The following CSRNP3 variants were observed in gnomAD, a reference collection of about 807,000 sequenced individuals.
CSRNP3 encodes cysteine/serine-rich nuclear protein 3.
Under a neutral mutation model 48.0 loss-of-function variants are expected in CSRNP3, and 12 were observed. The observed-to-expected ratio is 0.25, with a 90% CI of 0.16 to 0.41. CSRNP3 has a LOEUF of 0.41. Among genes scored for constraint, CSRNP3 ranks in the 10% least tolerant of loss-of-function variants. The probability of loss-of-function intolerance (pLI) is 1.00; values close to 1 mark genes in which losing one functional copy is unlikely to be tolerated. For missense variants in CSRNP3, 580 were observed against 724.4 expected (o/e 0.80, Z 2.29); for synonymous variants, 263 against 269.7 (o/e 0.98, Z 0.24).
intron 4 of CSRNP3, among the ~76,000 whole-genome samples, chr2:165,600,374 A>C (rs1428474826): frequency 1.3e-5 from 2 of 151,840 alleles, no homozygotes; most frequent in Non-Finnish European, 2.9e-5. Context: ...TGCTATTGTG[A>C]ATAGTGCTGC....
At chr2:165,575,685 G>T (rs1403339202) in intron 3 of CSRNP3, among the ~76,000 whole-genome samples, 1 of 151,996 alleles carries the variant, frequency 6.6e-6, no homozygotes, top group African/African-American at 2.4e-5. Flanking sequence ...ATAGAGGGGG[G>T]ATTGAGGAGG....
chr2:165,583,796 A>C (rs563169449), intron 3 of CSRNP3, among the ~76,000 whole-genome samples: 60 of 152,312 alleles, frequency 3.9e-4, no homozygotes, highest in South Asian at 2.9e-3. Flanking sequence ...GGGAACAAAT[A>C]ATAGAACAAA....
At chr2:165,523,035 G>A (rs1417364565) in intron 3 of CSRNP3, among the ~76,000 whole-genome samples, 1 of 152,066 alleles carries the variant, frequency 6.6e-6, no homozygotes, top group Non-Finnish European at 1.5e-5. Context: ...TCCCTTTCAC[G>A]ATTAGTGCAC....
At position 165,666,941 on chromosome 2, in the gene CSRNP3, A is replaced by AGAGAGAGAGGAAGGAAGGAAG. The variant is rs1486843331; in HGVS notation, c.408+8923_408+8924insGAGAGAGGAAGGAAGGAAGGA. ...GAAGGGAGGAAAGAGAGAAGAAGAA[A>AGAGAGAGAGGAAGGAAGGAAG]GAAAGAGAGAGAGGAAGGAAGGAAG... On this transcript the variant is annotated intron_variant, in intron 5 of 6. Coordinates refer to ENST00000651982, the MANE Select transcript of CSRNP3 (RefSeq NM_001172173.2). Among the ~76,000 whole-genome samples, 75 of 140,478 alleles carry AGAGAGAGAGGAAGGAAGGAAG rather than the reference A, an allele frequency of 5.3e-4. 27 individuals are homozygous for AGAGAGAGAGGAAGGAAGGAAG. Among genetic ancestry groups the AGAGAGAGAGGAAGGAAGGAAG allele is most frequent in the South Asian group, 1.2e-3 (5 of 4,166 alleles). The allele number at this position is 140,478 out of a possible 152,430, so 92.2% of individuals were successfully genotyped here. A position where few individuals can be genotyped will look rare whatever the true frequency, so the allele number is the denominator to read the frequency against.
chr2:165,528,400 C>T (rs1412293732), intron 3 of CSRNP3, among the ~76,000 whole-genome samples: 1 of 152,152 alleles, frequency 6.6e-6, no homozygotes, highest in East Asian at 1.9e-4. Context: ...ATTGCCCAGA[C>T]CAGTGTCATG....
chr2:165,538,737 A>G (rs1194170953), intron 3 of CSRNP3, among the ~76,000 whole-genome samples: 2 of 151,818 alleles, frequency 1.3e-5, no homozygotes, highest in African/African-American at 4.8e-5. Context: ...CCCCCTCTTA[A>G]TTAAATAATG....
At chr2:165,560,317 C>T (rs1275156206) in intron 3 of CSRNP3, among the ~76,000 whole-genome samples, 2 of 152,158 alleles carry the variant, frequency 1.3e-5, no homozygotes, top group South Asian at 2.1e-4. Context: ...GAAGAAATTA[C>T]TCAGTGACTT....
chr2:165,668,406 T>C (rs1212556363), intron 5 of CSRNP3, among the ~76,000 whole-genome samples: 1 of 140,626 alleles, frequency 7.1e-6, no homozygotes, highest in African/African-American at 2.7e-5. Context: ...TCTTTCTTTT[T>C]TTTTTTTTTT....
intron 2 of CSRNP3, among the ~76,000 whole-genome samples, chr2:165,507,493 TG>T (rs1333578383): frequency 6.6e-6 from 1 of 152,222 alleles, no homozygotes; most frequent in African/African-American, 2.4e-5. Flanking sequence ...ATTCACCCTA[TG>T]GTAAAATCAC....
intron 3 of CSRNP3, among the ~76,000 whole-genome samples, chr2:165,573,129 T>A (rs961732035): frequency 6.6e-6 from 1 of 151,930 alleles, no homozygotes; most frequent in Non-Finnish European, 1.5e-5. Context: ...CAATGTATTT[T>A]ATACTTTAGT....
At chr2:165,504,393 C>A (rs1684397331) in intron 2 of CSRNP3, among the ~76,000 whole-genome samples, 1 of 151,952 alleles carries the variant, frequency 6.6e-6, no homozygotes, top group African/African-American at 2.4e-5. Context: ...AACTGAGATG[C>A]AAAGGGGATA....
intron 2 of CSRNP3, among the ~76,000 whole-genome samples, chr2:165,500,352 T>A (rs914901059): frequency 6.7e-6 from 1 of 150,334 alleles, no homozygotes; most frequent in African/African-American, 2.4e-5. Context: ...TATATATGTA[T>A]ATGTATACAT....
chr2:165,576,656 C>G (rs148268513), intron 3 of CSRNP3, among the ~76,000 whole-genome samples: 139 of 152,116 alleles, frequency 9.1e-4, no homozygotes, highest in African/African-American at 3.2e-3. Flanking sequence ...TCACTCAAAA[C>G]TTTGAAGTCT....
At chr2:165,552,615 C>T (rs1685112194) in intron 3 of CSRNP3, among the ~76,000 whole-genome samples, 1 of 152,184 alleles carries the variant, frequency 6.6e-6, no homozygotes, top group Admixed American at 6.5e-5. Flanking sequence ...GACCCTCTAT[C>T]ACCTTCTCCT....
intron 3 of CSRNP3, among the ~76,000 whole-genome samples, chr2:165,534,232 T>C (rs1263733338): frequency 2.0e-5 from 3 of 152,118 alleles, no homozygotes; most frequent in Non-Finnish European, 4.4e-5. Flanking sequence ...CCTCATAATA[T>C]TTACTAAAAT....
rs1466476873 is a variant in CSRNP3, at chr2:165,682,573, G to A, written c.*2820G>A. 1 of 152,054 alleles carries A rather than the reference G, an allele frequency of 6.6e-6. No individual in the cohort carries two copies. Among genetic ancestry groups the A allele is most frequent in the East Asian group, 1.9e-4 (1 of 5,182 alleles). 9.4% of individuals were successfully genotyped at this position (152,054 alleles called of 1,614,324 possible). A position where few individuals can be genotyped will look rare whatever the true frequency, so the allele number is the denominator to read the frequency against. Reference sequence around the variant, plus strand: ...TGGGCTTTATGATCTAAAAAAATGTGGTTTAGAAAAGAGGATAATTGGTAG... The same window carrying A: ...TGGGCTTTATGATCTAAAAAAATGTAGTTTAGAAAAGAGGATAATTGGTAG... On this transcript the variant is annotated 3_prime_UTR_variant, in exon 7 of 7. Transcript: ENST00000651982.
rs1687538099 is a variant in CSRNP3, at chr2:165,681,511, A to G, written c.*1758A>G. On this transcript the variant is annotated 3_prime_UTR_variant, in exon 7 of 7. Coordinates refer to ENST00000651982, the MANE Select transcript of CSRNP3 (RefSeq NM_001172173.2). ...TCTACTAAACTTTGTTTTGGGGAAAAAATGTTTACTTGGCAGCTCTTCCAC... is the reference window on the plus strand; with the variant it reads ...TCTACTAAACTTTGTTTTGGGGAAAGAATGTTTACTTGGCAGCTCTTCCAC... 1.3e-5 allele frequency: 2 copies of G among 151,580 alleles called. No homozygotes were observed. The highest frequency in any genetic ancestry group is 4.8e-5 in the African/African-American group (2 of 41,284). The allele number at this position is 151,580 out of a possible 1,614,324, so 9.4% of individuals were successfully genotyped here. A position where few individuals can be genotyped will look rare whatever the true frequency, so the allele number is the denominator to read the frequency against.
chr2:165,606,961 C>CT (rs1275607031), intron 4 of CSRNP3, among the ~76,000 whole-genome samples: 2 of 152,006 alleles, frequency 1.3e-5, no homozygotes, highest in African/African-American at 2.4e-5. Context: ...ACTCTCTTAA[C>CT]TTTTTTTTAC....
At chr2:165,550,692 G>A (rs1163434712) in intron 3 of CSRNP3, among the ~76,000 whole-genome samples, 1 of 152,140 alleles carries the variant, frequency 6.6e-6, no homozygotes, top group Non-Finnish European at 1.5e-5. Flanking sequence ...GAGCAATGTA[G>A]GTATATTTTC....
Sources: gnomAD v4.1 joint callset for allele counts (sites outside exome capture counted in the v4.1 genomes callset) on GRCh38, gnomAD v4.1.1 for gene constraint, MANE v1.5 for transcripts, NCBI Gene and HGNC (gene_info 2026-07-23, HGNC 2026-07-21) for gene names.